The following TOX variants were observed in gnomAD, a reference collection of about 807,000 sequenced individuals.
The protein encoded by TOX is thymocyte selection-associated high mobility group box protein TOX.
In TOX, 11 loss-of-function variants were observed where a neutral mutation model predicts 53.7. The observed-to-expected ratio is 0.20, with a 90% CI of 0.13 to 0.34. The LOEUF (loss-of-function observed/expected upper bound fraction) is 0.34, where lower values mean the gene tolerates loss of function less well. TOX is among the 10% of genes least tolerant of loss of function. TOX has a pLI of 1.00. For missense variants in TOX, 570 were observed against 664.6 expected (o/e 0.86, Z 1.56); for synonymous variants, 225 against 245.3 (o/e 0.92, Z 0.77).
intron 1 of TOX, among the ~76,000 whole-genome samples, chr8:59,087,958 C>T (rs1244279777): frequency 6.6e-6 from 1 of 152,192 alleles, no homozygotes; most frequent in Non-Finnish European, 1.5e-5. Context: ...TTCAACTCAA[C>T]CTGGCCCTGG....
At chr8:59,056,072 T>C (rs539308356) in intron 1 of TOX, among the ~76,000 whole-genome samples, 1 of 151,994 alleles carries the variant, frequency 6.6e-6, no homozygotes, top group East Asian at 1.9e-4. Flanking sequence ...CCATAAAAGG[T>C]AGTAAAAAAT....
At chr8:58,926,341 A>AT (rs554118052) in intron 3 of TOX, among the ~76,000 whole-genome samples, 95 of 152,250 alleles carry the variant, frequency 6.2e-4, no homozygotes, top group Non-Finnish European at 1.1e-3. Flanking sequence ...CCCTGAGCCC[A>AT]TGGGGGGACA....
intron 1 of TOX, among the ~76,000 whole-genome samples, chr8:59,053,259 C>A (rs1439432877): frequency 6.6e-6 from 1 of 152,130 alleles, no homozygotes; most frequent in African/African-American, 2.4e-5. Flanking sequence ...AATCTTCTGA[C>A]CCTTTCTATC....
At chr8:58,886,305 A>G (rs1310041459) in intron 3 of TOX, among the ~76,000 whole-genome samples, 1 of 152,166 alleles carries the variant, frequency 6.6e-6, no homozygotes, top group Non-Finnish European at 1.5e-5. Context: ...AATAGACATG[A>G]GCAGCATAAA....
intron 3 of TOX, among the ~76,000 whole-genome samples, chr8:58,873,221 C>T (rs1226691270): frequency 6.6e-6 from 1 of 151,992 alleles, no homozygotes; most frequent in Non-Finnish European, 1.5e-5. Flanking sequence ...ATAAATTAAG[C>T]CTAATGCTTT....
chr8:58,851,164 C>G lies in TOX; in HGVS notation c.693+360G>C, dbSNP rs933730843. Among the ~76,000 whole-genome samples the G allele has an allele frequency of 7.0e-6, 1 of 143,150 alleles. No homozygotes were observed. Among genetic ancestry groups the G allele is most frequent in the African/African-American group, 2.7e-5 (1 of 36,412 alleles). 93.9% of individuals were successfully genotyped at this position (143,150 alleles called of 152,430 possible). On this transcript the variant is annotated intron_variant, in intron 4 of 8. Coordinates refer to ENST00000361421, the MANE Select transcript of TOX (RefSeq NM_014729.3). The surrounding 1 kb of genome is among the most constrained non-coding windows in gnomAD (Gnocchi z 4.4). The stretch of plus-strand genomic sequence containing the variant: ...ACATCTCCTCTCTCTCTCTGTCTCT[C>G]TCTCTCTCTCTCTCTCTCTCTCACA...
intron 1 of TOX, among the ~76,000 whole-genome samples, chr8:59,079,539 G>A (rs551106230): frequency 2.6e-5 from 4 of 152,222 alleles, no homozygotes; most frequent in African/African-American, 2.4e-5. Context: ...GATGCAAACT[G>A]TAAGTCTTGG....
intron 2 of TOX, among the ~76,000 whole-genome samples, chr8:58,949,916 T>C (rs1004188254): frequency 1.4e-5 from 2 of 141,928 alleles, no homozygotes; most frequent in Non-Finnish European, 3.0e-5. Flanking sequence ...ACGTGTAATA[T>C]ACAATTACAT....
intron 1 of TOX, among the ~76,000 whole-genome samples, chr8:58,998,070 T>C (rs1813595268): frequency 6.6e-6 from 1 of 152,120 alleles, no homozygotes; most frequent in African/African-American, 2.4e-5. Flanking sequence ...TTTTAACCCA[T>C]TAATAATTAC....
At chr8:59,065,850 GA>G (rs374244682) in intron 1 of TOX, among the ~76,000 whole-genome samples, 14 of 149,320 alleles carry the variant, frequency 9.4e-5, no homozygotes, top group East Asian at 3.9e-4. Context: ...ATGTTCTGAA[GA>G]AAAAAAAAAT....
intron 7 of TOX, among the ~76,000 whole-genome samples, chr8:58,813,926 C>T (rs1009841078): frequency 6.6e-6 from 1 of 152,146 alleles, no homozygotes; most frequent in Non-Finnish European, 1.5e-5. Context: ...GCAAGCCTAG[C>T]ATTTTAGAAT....
chr8:58,900,966 T>C (rs1307903011), intron 3 of TOX, among the ~76,000 whole-genome samples: 1 of 152,070 alleles, frequency 6.6e-6, no homozygotes, highest in Admixed American at 6.6e-5. Flanking sequence ...ACAGTTCATA[T>C]AACTAAAAAG....
chr8:59,072,151 G>C (rs1412925378), intron 1 of TOX, among the ~76,000 whole-genome samples: 2 of 152,128 alleles, frequency 1.3e-5, no homozygotes, highest in East Asian at 1.9e-4. Flanking sequence ...TGTAGTTCAA[G>C]TATATGCTTT....
chr8:58,849,725 T>G (rs964972136), intron 4 of TOX, among the ~76,000 whole-genome samples: 3 of 152,218 alleles, frequency 2.0e-5, no homozygotes, highest in African/African-American at 7.2e-5. Flanking sequence ...ATGTCAGGAA[T>G]GAATACTGAT....
chr8:59,086,249 G>C (rs1172437919), intron 1 of TOX, among the ~76,000 whole-genome samples: 2 of 151,784 alleles, frequency 1.3e-5, no homozygotes, highest in Non-Finnish European at 2.9e-5. Context: ...CCTCCCAAAG[G>C]GCTGGGATTA....
intron 1 of TOX, among the ~76,000 whole-genome samples, chr8:59,034,339 C>T (rs748763969): frequency 7.2e-5 from 11 of 152,214 alleles, no homozygotes; most frequent in African/African-American, 2.2e-4. Context: ...CAAATGCCAG[C>T]GCTGACGCAA....
intron 1 of TOX, among the ~76,000 whole-genome samples, chr8:58,971,695 T>C (rs1469268349): frequency 6.1e-5 from 1 of 16,304 alleles, no homozygotes. Context: ...TTTTTCGTTT[T>C]GTTTTTTTTT....
In TOX at chr8:59,118,192, G is replaced by T. The variant is rs10110417; in HGVS notation, c.102+694C>A. On this transcript the variant is annotated intron_variant, in intron 1 of 8. Coordinates refer to ENST00000361421, the MANE Select transcript of TOX (RefSeq NM_014729.3). This position sits in a 1 kb window ranked among gnomAD's most constrained non-coding sequence, Gnocchi z 4.1. ...GTGCGGGAGCTTTGGACTTGAACGCGACGTGCTCGCCCGGCTCCCAACAAA... is the reference window on the plus strand; with the variant it reads ...GTGCGGGAGCTTTGGACTTGAACGCTACGTGCTCGCCCGGCTCCCAACAAA... 0.033 allele frequency among the ~76,000 whole-genome samples: 4,989 copies of T among 152,314 alleles called. 188 individuals are homozygous for T. Among genetic ancestry groups the T allele is most frequent in the African/African-American group, 0.092 (3,845 of 41,572 alleles).
At chr8:59,050,268 G>A (rs1803763733) in intron 1 of TOX, among the ~76,000 whole-genome samples, 1 of 152,136 alleles carries the variant, frequency 6.6e-6, no homozygotes, top group South Asian at 2.1e-4. Flanking sequence ...GCTCCAAGTT[G>A]ACAAAGCAGC....
Sources: gnomAD v4.1 joint callset for allele counts (sites outside exome capture counted in the v4.1 genomes callset) on GRCh38, gnomAD v4.1.1 for gene constraint, Gnocchi (gnomAD v3.1) non-coding constraint, MANE v1.5 for transcripts, NCBI Gene and HGNC (gene_info 2026-07-23, HGNC 2026-07-21) for gene names.